Variants in IMMP1L observed in about 807,000 individuals in gnomAD.
IMMP1L encodes inner mitochondrial membrane peptidase subunit 1.
IMMP1L carries 24 observed loss-of-function variants against 21.8 expected under a neutral mutation model. The observed-to-expected ratio is 1.10, with a 90% CI of 0.80 to 1.55. The LOEUF (loss-of-function observed/expected upper bound fraction) is 1.55, where lower values mean the gene tolerates loss of function less well. Among genes scored for constraint, IMMP1L ranks in the 40% most tolerant of loss-of-function variants. The probability of loss-of-function intolerance (pLI) is 0.00; values close to 1 mark genes in which losing one functional copy is unlikely to be tolerated. For synonymous variants in IMMP1L, 46 were observed against 62.8 expected (o/e 0.73, Z 1.26); for missense variants, 195 against 200.7 (o/e 0.97, Z 0.17).
At chr11:31,470,447 A>T (rs926694258) in intron 1 of IMMP1L, among the ~76,000 whole-genome samples, 2 of 151,636 alleles carry the variant, frequency 1.3e-5, no homozygotes, top group Non-Finnish European at 3.0e-5. Context: ...AAAAAAAAAG[A>T]ATCAGGCAAA....
chr11:31,440,269 T>C (rs1953276574), intron 4 of IMMP1L, among the ~76,000 whole-genome samples: 1 of 152,226 alleles, frequency 6.6e-6, no homozygotes, highest in African/African-American at 2.4e-5. Flanking sequence ...CTATGCAATG[T>C]ATTAAAACAG....
At chr11:31,466,122 A>G (rs1954333578) in intron 1 of IMMP1L, among the ~76,000 whole-genome samples, 1 of 152,188 alleles carries the variant, frequency 6.6e-6, no homozygotes, top group Admixed American at 6.6e-5. Flanking sequence ...ATTTTTCAAA[A>G]GAAAACATAG....
At position 31,451,105 on chromosome 11, in the gene IMMP1L, T is replaced by G. The variant is rs544837694; in HGVS notation, c.321+5155A>C. Among the ~76,000 whole-genome samples, 10 of 152,262 alleles carry G rather than the reference T, an allele frequency of 6.6e-5. No homozygotes were observed. The South Asian group carries it at 1.5e-3, about 22-fold the overall frequency. On this transcript the variant is annotated intron_variant, in intron 4 of 5. Coordinates refer to ENST00000532287, the MANE Select transcript of IMMP1L (RefSeq NM_001304274.2). ...AGATAAATGAATGGGCATTATTGTG[T>G]TCCAATGACACAATAATTACAAGAA...
intron 1 of IMMP1L, among the ~76,000 whole-genome samples, chr11:31,506,180 T>C (rs1426211438): frequency 1.3e-5 from 2 of 152,046 alleles, no homozygotes; most frequent in Non-Finnish European, 2.9e-5. Context: ...TAGAATTTAG[T>C]ATGTCCTTCA....
chr11:31,453,488 T>C (rs1953830582), intron 4 of IMMP1L, among the ~76,000 whole-genome samples: 1 of 152,148 alleles, frequency 6.6e-6, no homozygotes, highest in South Asian at 2.1e-4. Context: ...GATGCAGAGG[T>C]AAGGGGAAGA....
chr11:31,503,728 T>C (rs754479371), intron 1 of IMMP1L, among the ~76,000 whole-genome samples: 7 of 152,194 alleles, frequency 4.6e-5, no homozygotes, highest in African/African-American at 7.2e-5. Context: ...ACAGATTTAA[T>C]AGAAGCAAAC....
At chr11:31,450,580 A>G (rs1591961740) in intron 4 of IMMP1L, among the ~76,000 whole-genome samples, 1 of 152,214 alleles carries the variant, frequency 6.6e-6, no homozygotes, top group African/African-American at 2.4e-5. Context: ...GAACATTCCA[A>G]TATTTTCTAC....
intron 1 of IMMP1L, among the ~76,000 whole-genome samples, chr11:31,471,064 CTG>C (rs1183074671): frequency 6.6e-6 from 1 of 152,112 alleles, no homozygotes; most frequent in Non-Finnish European, 1.5e-5. Flanking sequence ...TGCAGGGTGA[CTG>C]TAGTTAACAA....
At chr11:31,482,058 A>C (rs900664130) in intron 1 of IMMP1L, among the ~76,000 whole-genome samples, 5 of 152,092 alleles carry the variant, frequency 3.3e-5, no homozygotes, top group African/African-American at 1.2e-4. Flanking sequence ...AAAGTAGTAC[A>C]TTAAAACTGC....
intron 1 of IMMP1L, among the ~76,000 whole-genome samples, chr11:31,490,019 C>T (rs528986975): frequency 1.8e-4 from 27 of 152,286 alleles, no homozygotes; most frequent in African/African-American, 6.5e-4. Flanking sequence ...AATCTCACAT[C>T]TAATCTCTAA....
At chr11:31,503,341 G>A (rs900855564) in intron 1 of IMMP1L, among the ~76,000 whole-genome samples, 5 of 151,880 alleles carry the variant, frequency 3.3e-5, no homozygotes, top group Non-Finnish European at 5.9e-5. Flanking sequence ...ATAAGAAGGC[G>A]GAACAAACAA....
chr11:31,437,085 A>C, intron 4 of IMMP1L: 1 of 430,938 alleles, frequency 2.3e-6, no homozygotes, highest in East Asian at 7.0e-5. Flanking sequence ...CAGATCTTTT[A>C]AAATTAAAGC....
intron 2 of IMMP1L, among the ~76,000 whole-genome samples, 197 bp downstream of exon 2, chr11:31,462,975 G>A (rs186015510): frequency 9.2e-5 from 14 of 152,008 alleles, no homozygotes; most frequent in African/African-American, 3.4e-4. Flanking sequence ...TTAAGTAATG[G>A]TCCTTATACC....
intron 4 of IMMP1L, among the ~76,000 whole-genome samples, chr11:31,454,244 A>G (rs899427271): frequency 6.6e-5 from 10 of 151,958 alleles, no homozygotes; most frequent in African/African-American, 2.4e-4. Flanking sequence ...ACATATAAAA[A>G]CTCGGTAATA....
At chr11:31,441,142 T>C (rs1195426491) in intron 4 of IMMP1L, among the ~76,000 whole-genome samples, 2 of 152,158 alleles carry the variant, frequency 1.3e-5, no homozygotes, top group Non-Finnish European at 2.9e-5. Context: ...GTGCATACTA[T>C]TTAAGTAACT....
chr11:31,494,945 A>G (rs1183890233), intron 1 of IMMP1L, among the ~76,000 whole-genome samples: 1 of 152,142 alleles, frequency 6.6e-6, no homozygotes, highest in Non-Finnish European at 1.5e-5. Context: ...CGACCAGCCC[A>G]AATTTTCCAA....
intron 1 of IMMP1L, among the ~76,000 whole-genome samples, chr11:31,468,926 G>A (rs1954454157): frequency 2.6e-5 from 4 of 152,172 alleles, no homozygotes; most frequent in Middle Eastern, 3.4e-3. Context: ...ATTTTTACTA[G>A]TAATGCATAA....
chr11:31,487,899 G>C (rs1955135479), intron 1 of IMMP1L, among the ~76,000 whole-genome samples: 3 of 152,138 alleles, frequency 2.0e-5, no homozygotes, highest in African/African-American at 7.2e-5. Flanking sequence ...TGATGGCAAT[G>C]ATATAGCACC....
At chr11:31,467,571 A>G (rs1954399188) in intron 1 of IMMP1L, among the ~76,000 whole-genome samples, 1 of 152,168 alleles carries the variant, frequency 6.6e-6, no homozygotes, top group Non-Finnish European at 1.5e-5. Context: ...ATAACACATT[A>G]AATTAAAAAT....
Sources: gnomAD v4.1 joint callset for allele counts (sites outside exome capture counted in the v4.1 genomes callset) on GRCh38, gnomAD v4.1.1 for gene constraint, MANE v1.5 for transcripts, NCBI Gene and HGNC (gene_info 2026-07-23, HGNC 2026-07-21) for gene names.